NINL: variants seen among roughly 807,000 people sequenced by gnomAD.
NINL encodes the protein ninein-like protein.
In NINL, 153 loss-of-function variants were observed where a neutral mutation model predicts 160.3. The observed-to-expected ratio is 0.95, with a 90% CI of 0.84 to 1.09. NINL has a LOEUF of 1.09. Ranked by LOEUF, NINL falls within the 50% of genes least tolerant of loss-of-function variation. The pLI, the probability that NINL is intolerant of heterozygous loss-of-function variation, is 0.00. For synonymous variants in NINL, 800 were observed against 734.8 expected (o/e 1.09, Z -1.43); for missense variants, 1,829 against 1,764.0 (o/e 1.04, Z -0.66).
At chr20:25,453,736 C>T (rs760452005) in intron 23 of NINL, 94 bp from the exon 24 acceptor site, 5 of 1,220,804 alleles carry the variant, frequency 4.1e-6, no homozygotes, top group East Asian at 2.5e-5. Flanking sequence ...TTTACGCAAA[C>T]CACAGTTTTG....
chr20:25,537,723 T>C (rs1445889431), intron 1 of NINL, among the ~76,000 whole-genome samples: 1 of 152,152 alleles, frequency 6.6e-6, no homozygotes, highest in Non-Finnish European at 1.5e-5. Context: ...GGAGGGTGGC[T>C]GTGGGGAGGA....
In NINL at chr20:25,489,871, T is replaced by A. The variant is rs2063586093; in HGVS notation, c.1596+4A>T. On this transcript the variant is annotated splice_donor_region_variant and intron_variant, in intron 12 of 23. Coordinates refer to ENST00000278886, the MANE Select transcript of NINL (RefSeq NM_025176.6). ...GGAGGCAGACTGTCAGCAAAGGGAC[T>A]CGCCTTGTCCTTCAGCACAAACTCC... 1 of 1,611,672 alleles carries A rather than the reference T, an allele frequency of 6.2e-7. No individual in the cohort carries two copies. The highest frequency in any genetic ancestry group is 8.5e-7 in the Non-Finnish European group (1 of 1,178,330).
intron 1 of NINL, among the ~76,000 whole-genome samples, chr20:25,568,379 AC>A (rs1282039541): frequency 6.6e-6 from 1 of 152,010 alleles, no homozygotes; most frequent in African/African-American, 2.4e-5. Flanking sequence ...CATAAATTCA[AC>A]AGTTTAGATT....
At chr20:25,557,923 G>A (rs892408745) in intron 1 of NINL, among the ~76,000 whole-genome samples, 1 of 148,994 alleles carries the variant, frequency 6.7e-6, no homozygotes, top group South Asian at 2.1e-4. Context: ...GAGGCCAAGA[G>A]TTTCAGACCA....
At chr20:25,530,336 T>A (rs776858502) in intron 1 of NINL, among the ~76,000 whole-genome samples, 4 of 152,186 alleles carry the variant, frequency 2.6e-5, no homozygotes, top group Non-Finnish European at 5.9e-5. Context: ...AAACTTGCAC[T>A]GAGAGATTGT....
intron 3 of NINL, among the ~76,000 whole-genome samples, chr20:25,516,078 A>C (rs547840249): frequency 3.3e-5 from 5 of 152,042 alleles, no homozygotes; most frequent in African/African-American, 1.2e-4. Context: ...CCAGCCCAAG[A>C]TCTGGTTGTT....
chr20:25,469,885 G>T, intron 18 of NINL, 106 bp downstream of exon 18: 2 of 758,864 alleles, frequency 2.6e-6, no homozygotes, highest in Non-Finnish European at 2.3e-6. Context: ...GGAATGCAGG[G>T]CTAATCTGAG....
intron 14 of NINL, among the ~76,000 whole-genome samples, chr20:25,480,495 G>A (rs2063364679): frequency 6.6e-6 from 1 of 152,144 alleles, no homozygotes; most frequent in African/African-American, 2.4e-5. Context: ...ATTCACAGGA[G>A]CCCCTTTAGT....
intron 1 of NINL, among the ~76,000 whole-genome samples, chr20:25,575,319 C>A (rs933833482): frequency 1.8e-4 from 27 of 149,698 alleles, no homozygotes; most frequent in African/African-American, 6.2e-4. Flanking sequence ...TGGTGGCAGG[C>A]GCCTGTAGTC....
At chr20:25,453,877 C>T (rs1021740881) in intron 23 of NINL, among the ~76,000 whole-genome samples, 4 of 151,990 alleles carry the variant, frequency 2.6e-5, no homozygotes, top group Non-Finnish European at 4.4e-5. Context: ...GGTGAAACCC[C>T]ATCTCTACTA....
chr20:25,498,037 C>T (rs1040363677), intron 9 of NINL, among the ~76,000 whole-genome samples, 173 bp downstream of exon 9: 14 of 152,240 alleles, frequency 9.2e-5, no homozygotes, highest in African/African-American at 3.4e-4. Context: ...CCTCTGCGAG[C>T]GCCGGCTTGA....
intron 13 of NINL, 142 bp downstream of exon 13, chr20:25,489,102 A>G: frequency 1.3e-6 from 1 of 797,872 alleles, no homozygotes; most frequent in Non-Finnish European, 2.2e-6. Context: ...TAAGTCTAGG[A>G]GTGTGGCAAG....
In NINL at chr20:25,508,938, C is replaced by T. The variant is rs58205192; in HGVS notation, c.517+1736G>A. ...ACACCCCCCTGTTCTAACTTTGCCC[C>T]TCTTTGCCTTCCCTCTTCCTTTCAG... On this transcript the variant is annotated intron_variant, in intron 5 of 23. Transcript: ENST00000278886. 2.0e-5 allele frequency among the ~76,000 whole-genome samples: 3 copies of T among 152,366 alleles called. No homozygotes were observed. In the East Asian group the frequency reaches 5.8e-4, roughly 29 times the overall value.
chr20:25,482,195 G>T, intron 13 of NINL, 95 bp from the exon 14 acceptor site: 1 of 1,419,126 alleles, frequency 7.0e-7, no homozygotes, highest in Non-Finnish European at 9.5e-7. Flanking sequence ...CCTTGCAGGT[G>T]AGGTGCACTG....
chr20:25,492,629 T>G (rs1421763857), intron 10 of NINL, among the ~76,000 whole-genome samples: 2 of 152,014 alleles, frequency 1.3e-5, no homozygotes, highest in Non-Finnish European at 2.9e-5. Context: ...TTTTTTGTAT[T>G]TTTTAGTAGA....
At chr20:25,531,502 G>T (rs933799106) in intron 1 of NINL, among the ~76,000 whole-genome samples, 1 of 152,202 alleles carries the variant, frequency 6.6e-6, no homozygotes, top group Non-Finnish European at 1.5e-5. Context: ...ACAGGCGTAA[G>T]AAATTATAAA....
chr20:25,568,728 C>G (rs991407759), intron 1 of NINL, among the ~76,000 whole-genome samples: 28 of 151,798 alleles, frequency 1.8e-4, no homozygotes, highest in African/African-American at 6.8e-4. Context: ...TCTTAAAAAC[C>G]ACAATCAGAA....
intron 1 of NINL, among the ~76,000 whole-genome samples, chr20:25,561,702 A>G (rs372291459): frequency 0.084 from 12,398 of 148,230 alleles, 854 homozygotes; most frequent in African/African-American, 0.19. Flanking sequence ...CTGGGATGTG[A>G]GGAGCGCCTC....
intron 1 of NINL, among the ~76,000 whole-genome samples, chr20:25,533,710 A>G (rs1397447970): frequency 6.6e-6 from 1 of 152,214 alleles, no homozygotes; most frequent in Non-Finnish European, 1.5e-5. Flanking sequence ...TGCTGCAGGG[A>G]AAACTGCAGA....
Sources: gnomAD v4.1 joint callset for allele counts (sites outside exome capture counted in the v4.1 genomes callset) on GRCh38, gnomAD v4.1.1 for gene constraint, MANE v1.5 for transcripts, NCBI Gene and HGNC (gene_info 2026-07-23, HGNC 2026-07-21) for gene names.